CNTNAP2: variants seen among roughly 807,000 people sequenced by gnomAD.
CNTNAP2 encodes the protein contactin-associated protein-like 2.
CNTNAP2 carries 98 observed loss-of-function variants against 155.2 expected under a neutral mutation model. That is an observed-to-expected ratio of 0.63 (90% CI 0.54 to 0.75). The LOEUF (loss-of-function observed/expected upper bound fraction) is 0.75, where lower values mean the gene tolerates loss of function less well. Among genes scored for constraint, CNTNAP2 ranks in the 30% least tolerant of loss-of-function variants. The probability of loss-of-function intolerance (pLI) is 0.00; values close to 1 mark genes in which losing one functional copy is unlikely to be tolerated. For synonymous variants in CNTNAP2, 651 were observed against 631.2 expected (o/e 1.03, Z -0.47); for missense variants, 1,727 against 1,688.1 (o/e 1.02, Z -0.40).
intron 13 of CNTNAP2, chr7:147,849,841 T>C (rs1307951317): frequency 1.3e-5 from 2 of 152,266 alleles, no homozygotes; most frequent in Non-Finnish European, 2.9e-5. Flanking sequence ...GGAATGGATG[T>C]GCAAGCGAAA....
At chr7:146,422,072 GTAT>G (rs1447871400) in intron 1 of CNTNAP2, among the ~76,000 whole-genome samples, 1 of 151,080 alleles carries the variant, frequency 6.6e-6, no homozygotes, top group African/African-American at 2.4e-5. Flanking sequence ...CACATCAACT[GTAT>G]TATTTATTAT....
At chr7:146,415,461 A>G (rs762760286) in intron 1 of CNTNAP2, among the ~76,000 whole-genome samples, 3 of 152,206 alleles carry the variant, frequency 2.0e-5, no homozygotes, top group Non-Finnish European at 4.4e-5. Flanking sequence ...ATTTACAAAA[A>G]TAGTACAGCT....
In CNTNAP2 at chr7:147,466,860, A is replaced by G. The variant is rs189773550; in HGVS notation, c.1671-19075A>G. On this transcript the variant is annotated intron_variant, in intron 10 of 23. Transcript: ENST00000361727. ...TTGAACCCCAGGAGGCAGAGGTTGC[A>G]GTGAGCCAAGATCATGCCATTGCTC... is the stretch of plus-strand genomic sequence containing the variant. 9.2e-3 allele frequency among the ~76,000 whole-genome samples: 1,397 copies of G among 152,280 alleles called. 7 individuals are homozygous for G. Among genetic ancestry groups the G allele is most frequent in the Middle Eastern group, 0.027 (8 of 294 alleles).
chr7:148,289,144 G>C (rs1475509366), intron 21 of CNTNAP2, among the ~76,000 whole-genome samples: 1 of 152,080 alleles, frequency 6.6e-6, no homozygotes, highest in Non-Finnish European at 1.5e-5. Context: ...AGCGCTCTCA[G>C]AAATTTCAGT....
intron 20 of CNTNAP2, among the ~76,000 whole-genome samples, chr7:148,255,011 T>C (rs1482391496): frequency 6.6e-6 from 1 of 152,164 alleles, no homozygotes; most frequent in Non-Finnish European, 1.5e-5. Context: ...CATGATTATT[T>C]TATGTAAATT....
At chr7:147,949,193 T>C (rs1800876683) in intron 14 of CNTNAP2, among the ~76,000 whole-genome samples, 1 of 149,666 alleles carries the variant, frequency 6.7e-6, no homozygotes, top group Non-Finnish European at 1.5e-5. Flanking sequence ...AGAGCGAAAC[T>C]CCGTCTAAAA....
At chr7:148,113,460 C>T (rs562380383) in intron 15 of CNTNAP2, among the ~76,000 whole-genome samples, 1 of 152,332 alleles carries the variant, frequency 6.6e-6, no homozygotes, top group African/African-American at 2.4e-5. Flanking sequence ...GGCCCCACAA[C>T]ATTGGGGGTT....
chr7:147,024,267 T>C (rs1171798941), intron 3 of CNTNAP2, among the ~76,000 whole-genome samples: 1 of 152,230 alleles, frequency 6.6e-6, no homozygotes, highest in Non-Finnish European at 1.5e-5. Context: ...TGAACATCTA[T>C]ATCGCAATTG....
At chr7:147,678,072 T>C (rs1563049961) in intron 13 of CNTNAP2, among the ~76,000 whole-genome samples, 1 of 151,870 alleles carries the variant, frequency 6.6e-6, no homozygotes, top group African/African-American at 2.4e-5. Context: ...TTCAAATAAT[T>C]GATAACCTAA....
At chr7:147,243,691 G>T (rs964016623) in intron 8 of CNTNAP2, among the ~76,000 whole-genome samples, 8 of 152,132 alleles carry the variant, frequency 5.3e-5, no homozygotes, top group Non-Finnish European at 1.0e-4. Flanking sequence ...TTCATGTTAG[G>T]TGAAGCTCAC....
chr7:147,002,809 A>G (rs1237733955), intron 3 of CNTNAP2, among the ~76,000 whole-genome samples: 2 of 151,826 alleles, frequency 1.3e-5, no homozygotes, highest in Middle Eastern at 3.4e-3. Context: ...AATCCTAATC[A>G]TGAGGGCACT....
At chr7:147,561,209 C>G (rs115292879) in intron 11 of CNTNAP2, among the ~76,000 whole-genome samples, 1,630 of 152,196 alleles carry the variant, frequency 0.011, 33 homozygotes, top group African/African-American at 0.037. Context: ...GTTTAACACA[C>G]AACAACCCCT....
rs1436544370 is a variant in CNTNAP2, at chr7:146,668,475, CT to C, written c.98-105794del. Among the ~76,000 whole-genome samples, 13 of 112,054 alleles carry C rather than the reference CT, an allele frequency of 1.2e-4. No individual in the cohort carries two copies. In the East Asian group the frequency reaches 3.7e-3, roughly 32 times the overall value. 73.5% of individuals were successfully genotyped at this position (112,054 alleles called of 152,430 possible). Reference sequence around the variant, plus strand: ...GTGTGTGTGTGTGTGTGTGTGTGTCCTTATCTGGTTTTGTTATTAGATTTAG... The same window carrying C: ...GTGTGTGTGTGTGTGTGTGTGTGTCCTATCTGGTTTTGTTATTAGATTTAG... On this transcript the variant is annotated intron_variant, in intron 1 of 23. Coordinates refer to ENST00000361727, the MANE Select transcript of CNTNAP2 (RefSeq NM_014141.6).
At chr7:146,847,122 C>T (rs1378181209) in intron 3 of CNTNAP2, among the ~76,000 whole-genome samples, 1 of 147,060 alleles carries the variant, frequency 6.8e-6, no homozygotes, top group Admixed American at 6.7e-5. Flanking sequence ...CAAGTAAATA[C>T]ATAGTTATAT....
intron 1 of CNTNAP2, among the ~76,000 whole-genome samples, chr7:146,645,578 T>TG (rs1456167453): frequency 2.0e-5 from 3 of 152,076 alleles, no homozygotes; most frequent in African/African-American, 7.2e-5. Flanking sequence ...TTGTTGGAGA[T>TG]GGGGGTGAGG....
rs755470227 is a variant in CNTNAP2, at chr7:147,827,685, AATAG to A, written c.2099-75875_2099-75872del. Among the ~76,000 whole-genome samples, 7 of 152,316 alleles carry A rather than the reference AATAG, an allele frequency of 4.6e-5. No homozygotes were observed. In the South Asian group the frequency reaches 1.0e-3, roughly 23 times the overall value. On this transcript the variant is annotated intron_variant, in intron 13 of 23. Transcript: ENST00000361727. ...GAATCTTAGAGTCACAGGAAGAAGAAATAGATAGCTCCTGTAGTGCTGGCTATAG... is the reference window on the plus strand; with the variant it reads ...GAATCTTAGAGTCACAGGAAGAAGAAATAGCTCCTGTAGTGCTGGCTATAG...
intron 1 of CNTNAP2, among the ~76,000 whole-genome samples, chr7:146,204,196 C>T (rs541909980): frequency 6.6e-6 from 1 of 152,052 alleles, no homozygotes; most frequent in Non-Finnish European, 1.5e-5. Context: ...ATTGGGCCAA[C>T]AATATCTTAA....
chr7:148,127,042 T>C (rs1401850869), intron 16 of CNTNAP2, among the ~76,000 whole-genome samples: 1 of 152,202 alleles, frequency 6.6e-6, no homozygotes, highest in Non-Finnish European at 1.5e-5. Flanking sequence ...CGGTGGCTCA[T>C]GCCTATAATC....
chr7:146,200,077 AC>A (rs1423288766), intron 1 of CNTNAP2, among the ~76,000 whole-genome samples: 3 of 152,194 alleles, frequency 2.0e-5, no homozygotes, highest in Non-Finnish European at 4.4e-5. Context: ...TAAAATATTC[AC>A]ATGATAACTG....
Sources: gnomAD v4.1 joint callset for allele counts (sites outside exome capture counted in the v4.1 genomes callset) on GRCh38, gnomAD v4.1.1 for gene constraint, MANE v1.5 for transcripts, NCBI Gene and HGNC (gene_info 2026-07-23, HGNC 2026-07-21) for gene names.